ZDHHC11: variants seen among roughly 807,000 people sequenced by gnomAD.
ZDHHC11 encodes zDHHC palmitoyltransferase 11.
Under a neutral mutation model 51.3 loss-of-function variants are expected in ZDHHC11, and 44 were observed. The observed-to-expected ratio is 0.86, with a 90% CI of 0.67 to 1.10. ZDHHC11 has a LOEUF of 1.10. Ranked by LOEUF, ZDHHC11 falls within the 50% of genes least tolerant of loss-of-function variation. The pLI is 0.00. For synonymous variants in ZDHHC11, 163 were observed against 222.0 expected, an observed-to-expected ratio of 0.73 and a Z score of 2.36; for missense variants, 400 against 537.7, an observed-to-expected ratio of 0.74 and a Z score of 2.53.
At chr5:824,183 G>T in intron 8 of ZDHHC11, 1 of 426,654 alleles carries the variant, frequency 2.3e-6, no homozygotes, top group Non-Finnish European at 4.7e-6. Context: ...CTGCGGCCTG[G>T]CGTGGTGGCT....
Position 816,582 on chromosome 5 carries a change from T to C in ZDHHC11, c.1147-1787A>G, listed in dbSNP as rs905296034. On this transcript the variant is annotated intron_variant, in intron 10 of 12. Coordinates refer to ENST00000283441, the MANE Select transcript of ZDHHC11 (RefSeq NM_024786.3). ...AAATACGTGGAGAATTTTTGTCTAA[T>C]TGACGGTCACCTCACCATCTGTACA... 66 of 619,022 alleles carry C rather than the reference T, an allele frequency of 1.1e-4. 3 individuals carry two copies. The highest frequency in any genetic ancestry group is 9.9e-4 in the African/African-American group (54 of 54,296). The allele number at this position is 619,022 out of a possible 1,614,324, so 38.3% of individuals were successfully genotyped here.
intron 10 of ZDHHC11, among the ~76,000 whole-genome samples, chr5:815,902 C>G (rs1267573284): frequency 6.6e-6 from 1 of 151,602 alleles, no homozygotes; most frequent in South Asian, 2.1e-4. Flanking sequence ...AGCCACTGTG[C>G]CTGGCTTATC....
rs539269023 is a variant in ZDHHC11, at chr5:814,689, T to C, written c.1181+72A>G. The C allele has an allele frequency of 2.8e-5, 39 of 1,404,812 alleles. No individual in the cohort carries two copies. In the South Asian group the frequency reaches 5.4e-4, roughly 19 times the overall value. The allele number at this position is 1,404,812 out of a possible 1,614,324, so 87.0% of individuals were successfully genotyped here. On this transcript the variant is annotated intron_variant, in intron 11 of 12. Transcript: ENST00000283441. ...TTGAACATGTTAAATAGAGAACATA[T>C]TTTCCTATGTAATTTGAGTTCAGGC...
chr5:817,429 C>T (rs1164119669), intron 10 of ZDHHC11, among the ~76,000 whole-genome samples: 2 of 151,466 alleles, frequency 1.3e-5, no homozygotes, highest in South Asian at 2.1e-4. Flanking sequence ...TGACAGCTTT[C>T]CTTCACACAC....
At position 819,350 on chromosome 5, in the gene ZDHHC11, T is replaced by C. The variant is rs372673248; in HGVS notation, c.1146+175A>G. 7.9e-5 allele frequency among the ~76,000 whole-genome samples: 12 copies of C among 151,530 alleles called. 1 individual carries two copies. The highest frequency in any genetic ancestry group is 2.7e-4 in the African/African-American group (11 of 41,306). On this transcript the variant is annotated intron_variant, in intron 10 of 12. Transcript: ENST00000283441. ...CCCACAGCTGGGAAGCATTCCTGCCTCTCACTCCATCTCTCTTCTGTGCTC... is the reference window on the plus strand; with the variant it reads ...CCCACAGCTGGGAAGCATTCCTGCCCCTCACTCCATCTCTCTTCTGTGCTC...
chr5:842,483 C>G, intron 4 of ZDHHC11: 1 of 985,434 alleles, frequency 1.0e-6, no homozygotes, highest in Admixed American at 6.1e-5. Context: ...CAAAGCTCAT[C>G]CTTGAAAAAA....
Position 850,451 on chromosome 5 carries a change from C to A in ZDHHC11, c.152G>T (p.Gly51Val). Residue 51 changes from glycine (G) to valine (V), a missense_variant, in exon 1 of 13, where the codon GGC becomes GTC. This residue lies in a region of ZDHHC11 where 119 missense variants were observed against 99.6 expected (regional missense o/e 1.20). Coordinates refer to ENST00000283441, the MANE Select transcript of ZDHHC11 (RefSeq NM_024786.3). The stretch of plus-strand genomic sequence containing the variant: ...GATCCCGAAGGTGGCCGAGGAAAGG[C>A]CCACGAAGACAGCCCAGGTCACCAC... ...FQVVTWAVFV[G>V]LSSATFGIFI... 6.2e-7 allele frequency: 1 copy of A among 1,613,670 alleles called. No homozygotes were observed. Among genetic ancestry groups the A allele is most frequent in the African/African-American group, 1.3e-5 (1 of 75,062 alleles).
At chr5:814,576 T>G (rs544918822) in intron 11 of ZDHHC11, among the ~76,000 whole-genome samples, 185 bp downstream of exon 11, 2 of 151,722 alleles carry the variant, frequency 1.3e-5, no homozygotes, top group Non-Finnish European at 3.0e-5. Flanking sequence ...TCTATAATTT[T>G]TTCAAGTAAG....
intron 10 of ZDHHC11, among the ~76,000 whole-genome samples, chr5:815,278 G>C (rs1164418015): frequency 6.6e-6 from 1 of 151,388 alleles, no homozygotes; most frequent in African/African-American, 2.4e-5. Context: ...CCAGCCTGCA[G>C]ATATGTGAGA....
intron 6 of ZDHHC11, among the ~76,000 whole-genome samples, chr5:836,218 A>G (rs750516474): frequency 4.7e-5 from 7 of 150,266 alleles, no homozygotes; most frequent in Non-Finnish European, 1.0e-4. Flanking sequence ...TTTGTTAAAA[A>G]TCATGAATGG....
intron 12 of ZDHHC11, among the ~76,000 whole-genome samples, chr5:799,200 C>G (rs1237963438): frequency 6.6e-6 from 1 of 151,414 alleles, no homozygotes; most frequent in Non-Finnish European, 1.5e-5. Context: ...TGCTCAAGTA[C>G]TTCTTGCTCT....
chr5:806,016 T>C (rs1055629153), intron 11 of ZDHHC11, among the ~76,000 whole-genome samples: 5 of 151,186 alleles, frequency 3.3e-5, no homozygotes, highest in African/African-American at 1.2e-4. Flanking sequence ...AAGAAGGGTC[T>C]GACGTCAGGA....
At chr5:803,118 A>C (rs1289982735) in intron 11 of ZDHHC11, among the ~76,000 whole-genome samples, 1 of 151,266 alleles carries the variant, frequency 6.6e-6, no homozygotes, top group Non-Finnish European at 1.5e-5. Context: ...TCCTGTGGCT[A>C]TAAGGGCAGC....
Position 796,591 on chromosome 5 carries a change from A to G in ZDHHC11, c.*8-11T>C, listed in dbSNP as rs1165404231. Reference sequence around the variant, plus strand: ...GGGGCACCTGAGCTCCTGCAGGACAAAACAAAGTCACTCTTTGAGCAGCCA... The same window carrying G: ...GGGGCACCTGAGCTCCTGCAGGACAGAACAAAGTCACTCTTTGAGCAGCCA... On this transcript the variant is annotated splice_polypyrimidine_tract_variant and intron_variant, in intron 12 of 12. Transcript: ENST00000283441. The G allele has an allele frequency of 1.3e-5, 2 of 150,722 alleles. No individual in the cohort carries two copies. The highest frequency in any genetic ancestry group is 4.9e-5 in the African/African-American group (2 of 40,948). 9.3% of individuals were successfully genotyped at this position (150,722 alleles called of 1,614,324 possible).
intron 4 of ZDHHC11, chr5:842,122 G>A (rs1486628104): frequency 1.0e-6 from 1 of 986,424 alleles, no homozygotes; most frequent in Non-Finnish European, 1.2e-6. Context: ...ATTCACTCAG[G>A]CCACAATCAA....
At chr5:844,719 C>A (rs1431305001) in intron 3 of ZDHHC11, among the ~76,000 whole-genome samples, 1 of 152,302 alleles carries the variant, frequency 6.6e-6, no homozygotes, top group African/African-American at 2.4e-5. Context: ...CCTGGAGGAG[C>A]CCGGCCACAC....
intron 11 of ZDHHC11, among the ~76,000 whole-genome samples, chr5:812,095 A>G (rs1740165854): frequency 7.0e-6 from 1 of 143,662 alleles, no homozygotes; most frequent in Non-Finnish European, 1.5e-5. Flanking sequence ...GTATGCAAAA[A>G]TAAGTTGAAG....
At chr5:855,239 C>G, upstream of ZDHHC11, among the ~76,000 whole-genome samples, 1 of 147,282 alleles carries the variant, frequency 6.8e-6, no homozygotes, top group South Asian at 2.2e-4. Flanking sequence ...CCACAGAGGA[C>G]AGCGAGCCGG....
chr5:841,605 G>C lies in ZDHHC11; in HGVS notation c.629-955C>G, dbSNP rs565060212. The stretch of plus-strand genomic sequence containing the variant: ...GCCCCAGCACCCATCCCTTGCTCAT[G>C]GCCCACTCTGTGTCCCTGGACCCGC... On this transcript the variant is annotated intron_variant, in intron 4 of 12. Transcript: ENST00000283441. 97 of 994,788 alleles carry C rather than the reference G, an allele frequency of 9.8e-5. No homozygotes were observed. In the African/African-American group the frequency reaches 1.6e-3, roughly 17 times the overall value. 61.6% of individuals were successfully genotyped at this position (994,788 alleles called of 1,614,324 possible).
Sources: allele counts gnomAD v4.1 joint callset (sites outside exome capture counted in the v4.1 genomes callset), GRCh38; gene constraint gnomAD v4.1.1; regional missense constraint gnomAD v4.1.1; transcripts MANE v1.5; gene names NCBI Gene and HGNC (gene_info 2026-07-23, HGNC 2026-07-21).